Variants in EYA2 observed in about 807,000 individuals in gnomAD.
The protein encoded by EYA2 is EYA transcriptional coactivator and phosphatase 2.
EYA2 carries 31 observed loss-of-function variants against 69.2 expected under a neutral mutation model. The ratio of observed to expected loss-of-function variants is 0.45; its 90% CI spans 0.34 to 0.60. EYA2 has a LOEUF of 0.60. EYA2 is among the 20% of genes least tolerant of loss of function. EYA2 has a pLI of 0.02. For synonymous variants in EYA2, 257 were observed against 279.4 expected (o/e 0.92, Z 0.80); for missense variants, 622 against 701.2 (o/e 0.89, Z 1.28).
intron 1 of EYA2, among the ~76,000 whole-genome samples, chr20:46,986,295 T>G (rs1206062079): frequency 2.0e-5 from 3 of 147,210 alleles, no homozygotes; most frequent in African/African-American, 7.4e-5. Flanking sequence ...TCTATATATC[T>G]AATGTATATA....
intron 12 of EYA2, among the ~76,000 whole-genome samples, chr20:47,178,335 C>A (rs1219144770): frequency 4.7e-3 from 569 of 122,018 alleles, no homozygotes; most frequent in Non-Finnish European, 4.4e-3. Flanking sequence ...GATCTTGTCT[C>A]AAAAAAAAAA....
intron 9 of EYA2, among the ~76,000 whole-genome samples, chr20:47,134,275 A>C (rs998050283): frequency 2.0e-5 from 3 of 152,234 alleles, no homozygotes; most frequent in Admixed American, 2.0e-4. Context: ...CCCTCAGAGC[A>C]AAAAAGCCAT....
chr20:46,942,423 TA>T (rs2146264210), intron 1 of EYA2, among the ~76,000 whole-genome samples: 2 of 152,154 alleles, frequency 1.3e-5, no homozygotes, highest in South Asian at 2.1e-4. Context: ...GTACCATTTT[TA>T]GGGGGGGAAA....
At chr20:47,139,132 C>G (rs1428631266) in intron 9 of EYA2, among the ~76,000 whole-genome samples, 2 of 152,150 alleles carry the variant, frequency 1.3e-5, no homozygotes, top group Non-Finnish European at 2.9e-5. Flanking sequence ...CTAAATTATT[C>G]CCAATCTTTT....
At chr20:46,912,566 AAGAT>A in intron 1 of EYA2, among the ~76,000 whole-genome samples, 1 of 152,244 alleles carries the variant, frequency 6.6e-6, no homozygotes, top group Non-Finnish European at 1.5e-5. Context: ...GGGGGGAAAG[AAGAT>A]AGACAATAAA....
At chr20:47,129,505 G>T (rs1568796202) in intron 9 of EYA2, among the ~76,000 whole-genome samples, 1 of 152,226 alleles carries the variant, frequency 6.6e-6, no homozygotes, top group Non-Finnish European at 1.5e-5. Flanking sequence ...CAGATTCAAG[G>T]CAGAGTGGAA....
chr20:47,012,211 C>T (rs370331537), intron 4 of EYA2, among the ~76,000 whole-genome samples: 15 of 152,276 alleles, frequency 9.9e-5, no homozygotes, highest in African/African-American at 3.6e-4. Context: ...TGAGTGGAAG[C>T]CAGTGGAACT....
At chr20:46,995,238 AT>A (rs1446974754) in intron 2 of EYA2, among the ~76,000 whole-genome samples, 18 of 152,332 alleles carry the variant, frequency 1.2e-4, no homozygotes, top group Admixed American at 4.6e-4. Context: ...AAATAAATTC[AT>A]TTTAAAAGGA....
At chr20:47,048,113 A>G (rs2030141196) in intron 5 of EYA2, among the ~76,000 whole-genome samples, 1 of 152,240 alleles carries the variant, frequency 6.6e-6, no homozygotes, top group Admixed American at 6.5e-5. Context: ...CTTATTCACA[A>G]ATTCCGAGGA....
At chr20:47,091,177 T>G (rs143762120) in intron 8 of EYA2, among the ~76,000 whole-genome samples, 172 of 152,218 alleles carry the variant, frequency 1.1e-3, no homozygotes, top group African/African-American at 3.9e-3. Context: ...TGCCACCAGA[T>G]GGTAAGAAAT....
chr20:47,172,660 C>G (rs1682630801), intron 11 of EYA2, 47 bp from the exon 12 acceptor site: 5 of 1,544,592 alleles, frequency 3.2e-6, no homozygotes, highest in Middle Eastern at 2.4e-4. Flanking sequence ...GGAAGATGCC[C>G]TGCACCCCCC....
intron 1 of EYA2, among the ~76,000 whole-genome samples, chr20:46,928,115 G>T (rs1387121055): frequency 6.6e-6 from 1 of 152,202 alleles, no homozygotes; most frequent in African/African-American, 2.4e-5. Flanking sequence ...AGACATAAAG[G>T]GTAAATGTCT....
rs144624361 is a variant in EYA2, at chr20:47,116,022, G to A, written c.888+18854G>A. ...TAACCAGTGTTGCCTGTCCAGTGTG[G>A]TATCCTTAGGGACGCTTCCCAATCT... On this transcript the variant is annotated intron_variant, in intron 9 of 15. Coordinates refer to ENST00000327619, the MANE Select transcript of EYA2 (RefSeq NM_005244.5). Among the ~76,000 whole-genome samples the A allele has an allele frequency of 1.3e-4, 20 of 152,252 alleles. 1 individual carries two copies. The highest frequency in any genetic ancestry group is 2.0e-4 in the Admixed American group (3 of 15,280).
intron 5 of EYA2, among the ~76,000 whole-genome samples, chr20:47,028,048 G>A (rs564567442): frequency 6.6e-6 from 1 of 152,250 alleles, no homozygotes; most frequent in South Asian, 2.1e-4. Context: ...GGTCATGAGG[G>A]TGGGGTCTTC....
In EYA2 at chr20:47,169,101, TTCTCTC is replaced by T. The variant is rs35639959; in HGVS notation, c.979-22_979-17del. 100 of 1,483,210 alleles carry T rather than the reference TTCTCTC, an allele frequency of 6.7e-5. No homozygotes were observed. In the South Asian group the frequency reaches 8.2e-4, roughly 12 times the overall value. 91.9% of individuals were successfully genotyped at this position (1,483,210 alleles called of 1,614,324 possible). On this transcript the variant is annotated intron_variant, in intron 10 of 15. Transcript: ENST00000327619. The stretch of plus-strand genomic sequence containing the variant: ...GGCTACATCAGATTAACCAGGCATG[TTCTCTC>T]TCTCTCTCTCTCTCTGTCAAATTTT...
intron 9 of EYA2, 24 bp downstream of exon 9, chr20:47,097,192 C>T: frequency 6.4e-7 from 1 of 1,566,744 alleles, no homozygotes; most frequent in Non-Finnish European, 8.7e-7. Flanking sequence ...TTGTCTCTCT[C>T]TCTCTTTTTT....
chr20:47,171,378 C>T (rs1031475387), intron 11 of EYA2, among the ~76,000 whole-genome samples: 1 of 152,064 alleles, frequency 6.6e-6, no homozygotes, highest in African/African-American at 2.4e-5. Flanking sequence ...TGAAATGCCT[C>T]TTGTTTGTTT....
intron 7 of EYA2, among the ~76,000 whole-genome samples, chr20:47,075,918 A>G (rs1056519354): frequency 6.6e-5 from 10 of 152,106 alleles, no homozygotes; most frequent in South Asian, 4.1e-4. Flanking sequence ...TGTGTACTCA[A>G]TGTTTAGCTC....
chr20:47,144,705 C>T, intron 10 of EYA2, among the ~76,000 whole-genome samples: 1 of 152,160 alleles, frequency 6.6e-6, no homozygotes, highest in East Asian at 1.9e-4. Context: ...GTATTCTTTG[C>T]CCAACATCTG....
Sources: allele counts gnomAD v4.1 joint callset (sites outside exome capture counted in the v4.1 genomes callset), GRCh38; gene constraint gnomAD v4.1.1; transcripts MANE v1.5; gene names NCBI Gene and HGNC (gene_info 2026-07-23, HGNC 2026-07-21).